HJURP: variants seen among roughly 807,000 people sequenced by gnomAD.
The protein encoded by HJURP is Holliday junction recognition protein.
A neutral mutation model predicts 72.0 loss-of-function variants in HJURP; 49 were observed. The ratio of observed to expected loss-of-function variants is 0.68; its 90% confidence interval spans 0.54 to 0.86. HJURP has a LOEUF of 0.86. Among genes scored for constraint, HJURP ranks in the 40% least tolerant of loss-of-function variants. The pLI, the probability that HJURP is intolerant of heterozygous loss-of-function variation, is 0.00. For synonymous variants in HJURP, 357 were observed against 347.1 expected (o/e 1.03, Z -0.32); for missense variants, 908 against 936.3 (o/e 0.97, Z 0.39).
rs201562477 is a variant in HJURP, at chr2:233,841,756, T to C, written c.1024A>G (p.Asn342Asp). 1.2e-6 allele frequency: 2 copies of C among 1,614,222 alleles called. No individual in the cohort carries two copies. Among genetic ancestry groups the C allele is most frequent in the South Asian group, 2.2e-5 (2 of 91,080 alleles). ...TTACGGCAAGAAACATCTAATACGT[T>C]CTTGCAATCTCTTAATGCCCCTGTC... ...KGTGALRDCKNVLDVSCRKTG... is the reference protein window; with the variant it reads ...KGTGALRDCKDVLDVSCRKTG... Residue 342 changes from asparagine to aspartate, a missense_variant, in exon 8 of 9, where the codon AAC (asparagine) becomes GAC (aspartate). Physicochemically the swap from Asn to Asp is conservative, Grantham distance 23 (BLOSUM62 1). This residue lies in a region of HJURP where 598 missense variants were observed against 619.5 expected (regional missense o/e 0.97). Coordinates refer to ENST00000411486, the MANE Select transcript of HJURP (RefSeq NM_018410.5).
intron 3 of HJURP, among the ~76,000 whole-genome samples, chr2:233,851,728 C>A (rs912489346): frequency 6.6e-6 from 1 of 152,002 alleles, no homozygotes; most frequent in African/African-American, 2.4e-5. Flanking sequence ...CATTAGTGAC[C>A]ATCTTTGCAG....
chr2:233,844,747 C>T (rs1001544094), intron 6 of HJURP, among the ~76,000 whole-genome samples: 5 of 152,328 alleles, frequency 3.3e-5, no homozygotes, highest in East Asian at 3.9e-4. Context: ...TCCACTAAGT[C>T]GGTGGTCCAC....
At chr2:233,852,320 A>G (rs1705513265) in intron 3 of HJURP, among the ~76,000 whole-genome samples, 1 of 152,228 alleles carries the variant, frequency 6.6e-6, no homozygotes, top group African/African-American at 2.4e-5. Context: ...AGAGCCCCTC[A>G]GCCTGTGACA....
chr2:233,841,988 G>C lies in HJURP; in HGVS notation c.792C>G (p.Tyr264Ter). 1 of 1,614,186 alleles carries C rather than the reference G, an allele frequency of 6.2e-7. No individual in the cohort carries two copies. The highest frequency in any genetic ancestry group is 1.3e-5 in the African/African-American group (1 of 75,048). The change falls in exon 8 of 9, where the codon TAC becomes TAG. Residue 264 changes from tyrosine to a stop codon, truncating the protein, a stop_gained. Coordinates refer to ENST00000411486, the MANE Select transcript of HJURP (RefSeq NM_018410.5). LOFTEE classifies it high-confidence loss of function. Reference sequence around the variant, plus strand: ...GGCTCATGGAGTGCAGCATCCCTGCGTACAGGTCACTGATGGTCACATTGC... The same window carrying C: ...GGCTCATGGAGTGCAGCATCCCTGCCTACAGGTCACTGATGGTCACATTGC... Reference protein sequence around the residue: ...DICNVTISDLYAGMLHSMSRL... With the variant: ...DICNVTISDL
At chr2:233,853,443 A>G (rs1574653356) in intron 2 of HJURP, among the ~76,000 whole-genome samples, 1 of 152,356 alleles carries the variant, frequency 6.6e-6, no homozygotes, top group South Asian at 2.1e-4. Flanking sequence ...GAGTATTCAC[A>G]GTGCGGGGCG....
intron 2 of HJURP, 140 bp from the exon 3 acceptor site, chr2:233,852,760 G>A (rs1705527707): frequency 3.3e-6 from 2 of 608,940 alleles, no homozygotes; most frequent in Non-Finnish European, 5.7e-6. Flanking sequence ...GATACCCTGC[G>A]ATTGTTCCTC....
In HJURP at chr2:233,837,621, T is replaced by C. The variant is rs755703843; in HGVS notation, c.2203A>G (p.Lys735Glu). ...AATTTTTCTAGCATGAAATCACTTT[T>C]CTCTTCCATCCTGTAAGACGTGTTC... ...GENTSYRMEE[K>E]SDFMLEKLET... The change falls in exon 9 of 9, where the codon AAA becomes GAA. Residue 735 changes from lysine (K) to glutamate (E), a missense_variant. Lys to Glu is a moderately conservative substitution (Grantham distance 56, BLOSUM62 1). Around this residue, in one of 3 missense-constraint regions of HJURP, gnomAD observed 598 missense variants for 619.5 expected, o/e 0.97. Coordinates refer to ENST00000411486, the MANE Select transcript of HJURP (RefSeq NM_018410.5). The C allele has an allele frequency of 3.1e-6, 5 of 1,611,698 alleles. No individual in the cohort carries two copies. The highest frequency in any genetic ancestry group is 4.2e-6 in the Non-Finnish European group (5 of 1,178,486).
intron 4 of HJURP, 30 bp downstream of exon 4, chr2:233,849,733 C>T: frequency 6.9e-7 from 1 of 1,455,468 alleles, no homozygotes; most frequent in South Asian, 1.2e-5. Context: ...TCCCTCCTGA[C>T]TTCAGTTCTC....
At position 233,841,176 on chromosome 2, in the gene HJURP, C is replaced by T. The variant is rs752718768; in HGVS notation, c.1604G>A (p.Arg535His). 1.2e-5 allele frequency: 19 copies of T among 1,613,986 alleles called. No individual in the cohort carries two copies. The South Asian group carries it at 1.5e-4, about 13-fold the overall frequency. ...GTGAAGGTCAGATGTCTGCTGCGGGCGAGTTGCGCTGTGTGTGGGGTTGGT... is the reference window on the plus strand; with the variant it reads ...GTGAAGGTCAGATGTCTGCTGCGGGTGAGTTGCGCTGTGTGTGGGGTTGGT... Reference protein sequence around the residue: ...PKTNPTHSATRPQQTSDLHVQ... With the variant: ...PKTNPTHSATHPQQTSDLHVQ... Residue 535 changes from arginine to histidine, a missense_variant, in exon 8 of 9, where the codon CGC becomes CAC. Arg to His is a conservative substitution (Grantham distance 29). This residue lies in a region of HJURP where 598 missense variants were observed against 619.5 expected (regional missense o/e 0.97). Coordinates refer to ENST00000411486, the MANE Select transcript of HJURP (RefSeq NM_018410.5).
chr2:233,854,044 G>A (rs1276280862), intron 1 of HJURP, 134 bp from the exon 2 acceptor site: 2 of 712,630 alleles, frequency 2.8e-6, no homozygotes, highest in African/African-American at 1.8e-5. Context: ...CTGCAGCGGA[G>A]CCCCCAACTC....
chr2:233,846,416 C>T lies in HJURP; in HGVS notation c.403-596G>A, dbSNP rs918806843. Among the ~76,000 whole-genome samples, 2 of 152,148 alleles carry T rather than the reference C, an allele frequency of 1.3e-5. No homozygotes were observed. Among genetic ancestry groups the T allele is most frequent in the African/African-American group, 4.8e-5 (2 of 41,436 alleles). On this transcript the variant is annotated intron_variant, in intron 5 of 8. Coordinates refer to ENST00000411486, the MANE Select transcript of HJURP (RefSeq NM_018410.5). The surrounding 1 kb of genome is among the most constrained non-coding windows in gnomAD (Gnocchi z 4.3). ...GCAGTGAGCTGAGATTGCCCCACCGCACTCCAGCCTGGGTGACAGAGTGAA... is the reference window on the plus strand; with the variant it reads ...GCAGTGAGCTGAGATTGCCCCACCGTACTCCAGCCTGGGTGACAGAGTGAA...
chr2:233,840,032 G>A (rs746710881), intron 8 of HJURP, among the ~76,000 whole-genome samples: 6 of 152,238 alleles, frequency 3.9e-5, no homozygotes, highest in Non-Finnish European at 8.8e-5. Context: ...AAGGGCACAC[G>A]CAGACTAAAA....
At chr2:233,843,653 C>A (rs531583813) in intron 7 of HJURP, among the ~76,000 whole-genome samples, 1 of 152,126 alleles carries the variant, frequency 6.6e-6, no homozygotes, top group East Asian at 1.9e-4. Flanking sequence ...AACGGTGGTA[C>A]CAGCCTGAGT....
In HJURP at chr2:233,846,825, G is replaced by C. The variant is rs1705373503; in HGVS notation, c.402+572C>G. 6.6e-6 allele frequency among the ~76,000 whole-genome samples: 1 copy of C among 152,208 alleles called. No individual in the cohort carries two copies. Among genetic ancestry groups the C allele is most frequent in the African/African-American group, 2.4e-5 (1 of 41,442 alleles). ...AAGATGCTGGAGCTGGTTAAGCTCT[G>C]TGTAAATTCGCATCTATCCCAACCA... On this transcript the variant is annotated intron_variant, in intron 5 of 8. Coordinates refer to ENST00000411486, the MANE Select transcript of HJURP (RefSeq NM_018410.5). This position sits in a 1 kb window ranked among gnomAD's most constrained non-coding sequence, Gnocchi z 4.3.
At position 233,841,769 on chromosome 2, in the gene HJURP, T is replaced by A; in HGVS notation, c.1011A>T (p.Leu337Phe). Residue 337 changes from leucine to phenylalanine, a missense_variant, in exon 8 of 9, where the codon TTA becomes TTT. Physicochemically the swap from Leu to Phe is conservative, Grantham distance 22. Coordinates refer to ENST00000411486, the MANE Select transcript of HJURP (RefSeq NM_018410.5). ...CATCTAATACGTTCTTGCAATCTCT[T>A]AATGCCCCTGTCCCTTTCACAGGCT... Reference protein sequence around the residue: ...CSEPVKGTGALRDCKNVLDVS... With the variant: ...CSEPVKGTGAFRDCKNVLDVS... 1 of 1,614,210 alleles carries A rather than the reference T, an allele frequency of 6.2e-7. No individual in the cohort carries two copies.
Position 233,845,754 on chromosome 2 carries a change from G to GT in HJURP, c.468dup (p.Leu157ThrfsTer9). On this transcript the variant is annotated frameshift_variant, in exon 6 of 9. Coordinates refer to ENST00000411486, the MANE Select transcript of HJURP (RefSeq NM_018410.5). LOFTEE classifies it high-confidence loss of function. Reference sequence around the variant, plus strand: ...TCAAAATACTCTGCACCTTGTAGCAGTATATCCACTTGGGTCAAGTATTTC... The same window carrying GT: ...TCAAAATACTCTGCACCTTGTAGCAGTTATATCCACTTGGGTCAAGTATTTC... The GT allele has an allele frequency of 2.5e-6, 4 of 1,610,980 alleles. No homozygotes were observed. The highest frequency in any genetic ancestry group is 3.4e-6 in the Non-Finnish European group (4 of 1,177,176).
At chr2:233,842,243 C>G in intron 7 of HJURP, 38 bp from the exon 8 acceptor site, 2 of 1,508,790 alleles carry the variant, frequency 1.3e-6, no homozygotes, top group Non-Finnish European at 1.8e-6. Flanking sequence ...AGGTGTGTTA[C>G]CATTCTAAAC....
chr2:233,847,496 T>C, intron 4 of HJURP, 35 bp from the exon 5 acceptor site: 1 of 1,581,348 alleles, frequency 6.3e-7, no homozygotes, highest in Non-Finnish European at 8.7e-7. Context: ...AATCAGGATT[T>C]TCAGGAAGGA....
chr2:233,837,839 G>A (rs6431639), intron 8 of HJURP, among the ~76,000 whole-genome samples, 187 bp from the exon 9 acceptor site: 8 of 152,082 alleles, frequency 5.3e-5, no homozygotes, highest in African/African-American at 7.3e-5. Context: ...GCAACCCCCC[G>A]ACCCTGCTCC....
Sources: allele counts gnomAD v4.1 joint callset (sites outside exome capture counted in the v4.1 genomes callset), GRCh38; gene constraint gnomAD v4.1.1; regional missense constraint gnomAD v4.1.1; non-coding constraint Gnocchi (gnomAD v3.1); transcripts MANE v1.5; gene names NCBI Gene and HGNC (gene_info 2026-07-23, HGNC 2026-07-21).